UBE2H: variants seen among roughly 807,000 people sequenced by gnomAD.
UBE2H encodes the protein ubiquitin conjugating enzyme E2 H.
A neutral mutation model predicts 29.0 loss-of-function variants in UBE2H; 3 were observed. That is an observed-to-expected ratio of 0.10 (90% CI 0.05 to 0.27). The LOEUF (loss-of-function observed/expected upper bound fraction) is 0.27. Among genes scored for constraint, UBE2H ranks in the 10% least tolerant of loss-of-function variants. The pLI, the probability that UBE2H is intolerant of heterozygous loss-of-function variation, is 1.00. For missense variants in UBE2H, 68 were observed against 228.2 expected (o/e 0.30, Z 4.52); for synonymous variants, 69 against 82.9 (o/e 0.83, Z 0.91).
intron 1 of UBE2H, among the ~76,000 whole-genome samples, chr7:129,934,177 C>G (rs1235661258): frequency 6.6e-6 from 1 of 151,984 alleles, no homozygotes; most frequent in Non-Finnish European, 1.5e-5. Flanking sequence ...CAAAAATTAT[C>G]CGGGCATTAT....
chr7:129,881,631 G>T lies in UBE2H; in HGVS notation c.54-660C>A, dbSNP rs574398602. Reference sequence around the variant, plus strand: ...TCACTGCACTCCAGCCTGGGTGATAGGGTGAGACTCAGTCTCAAAAATAAA... The same window carrying T: ...TCACTGCACTCCAGCCTGGGTGATATGGTGAGACTCAGTCTCAAAAATAAA... On this transcript the variant is annotated intron_variant, in intron 1 of 6. Transcript: ENST00000355621. Among the ~76,000 whole-genome samples the T allele has an allele frequency of 2.0e-5, 3 of 152,188 alleles. No homozygotes were observed. In the South Asian group the frequency reaches 6.2e-4, roughly 32 times the overall value.
chr7:129,853,097 G>A (rs1805640656), intron 5 of UBE2H, among the ~76,000 whole-genome samples: 1 of 152,178 alleles, frequency 6.6e-6, no homozygotes, highest in African/African-American at 2.4e-5. Flanking sequence ...GCTGGAGAGA[G>A]AAACACATTT....
intron 1 of UBE2H, among the ~76,000 whole-genome samples, chr7:129,921,760 C>T (rs956820573): frequency 2.6e-5 from 4 of 151,002 alleles, no homozygotes; most frequent in Non-Finnish European, 5.9e-5. Context: ...ATTTTTCCCA[C>T]TAACATTGCA....
chr7:129,927,243 A>T (rs1347586719), intron 1 of UBE2H, among the ~76,000 whole-genome samples: 3 of 152,232 alleles, frequency 2.0e-5, no homozygotes, highest in Non-Finnish European at 4.4e-5. Flanking sequence ...TTAGAAATTT[A>T]AAAATGTGGG....
chr7:129,944,718 AC>A lies in UBE2H; in HGVS notation c.53+7784del, dbSNP rs1563054823. ...ACACACGTGCGCATGCGCTCAAAAC[AC>A]ACACACACACACACACACACACACA... On this transcript the variant is annotated intron_variant, in intron 1 of 6. Coordinates refer to ENST00000355621, the MANE Select transcript of UBE2H (RefSeq NM_003344.4). Among the ~76,000 whole-genome samples, 57 of 75,338 alleles carry A rather than the reference AC, an allele frequency of 7.6e-4. 1 individual carries two copies. The highest frequency in any genetic ancestry group is 2.8e-3 in the African/African-American group (54 of 19,434). The allele number at this position is 75,338 out of a possible 152,430, so 49.4% of individuals were successfully genotyped here.
chr7:129,870,011 G>A (rs961826130), intron 3 of UBE2H, among the ~76,000 whole-genome samples: 1 of 152,070 alleles, frequency 6.6e-6, no homozygotes, highest in East Asian at 1.9e-4. Flanking sequence ...CTCTCCTCTA[G>A]TTCTTTCACT....
intron 3 of UBE2H, among the ~76,000 whole-genome samples, chr7:129,860,908 A>G (rs897540835): frequency 6.6e-6 from 1 of 152,132 alleles, no homozygotes; most frequent in African/African-American, 2.4e-5. Context: ...AGGGAACAGA[A>G]GAGGAAACAG....
intron 1 of UBE2H, among the ~76,000 whole-genome samples, chr7:129,928,374 A>G (rs12537782): frequency 0.062 from 9,476 of 152,250 alleles, 365 homozygotes; most frequent in Non-Finnish European, 0.091. Flanking sequence ...AGGCCAAGGC[A>G]GGTGGATCAT....
intron 5 of UBE2H, among the ~76,000 whole-genome samples, chr7:129,844,086 T>G (rs1805472825): frequency 6.6e-6 from 1 of 152,216 alleles, no homozygotes; most frequent in African/African-American, 2.4e-5. Context: ...AACCCTTAAT[T>G]ATTGGTTCTT....
At chr7:129,944,740 A>ACACACACACG (rs967721389) in intron 1 of UBE2H, among the ~76,000 whole-genome samples, 3 of 142,576 alleles carry the variant, frequency 2.1e-5, no homozygotes, top group Admixed American at 7.1e-5. Flanking sequence ...ACACACACAC[A>ACACACACACG]CACACACACA....
chr7:129,903,170 A>T (rs1221988094), intron 1 of UBE2H, among the ~76,000 whole-genome samples: 1 of 152,208 alleles, frequency 6.6e-6, no homozygotes, highest in Non-Finnish European at 1.5e-5. Flanking sequence ...TTAAAGCACA[A>T]TCCACAAAGT....
chr7:129,924,616 T>TCACACACACACACA (rs147228151), intron 1 of UBE2H, among the ~76,000 whole-genome samples: 2,552 of 143,958 alleles, frequency 0.018, 44 homozygotes, highest in African/African-American at 0.022. Context: ...CCTTTTACAT[T>TCACACACACACACA]CACACACACA....
intron 1 of UBE2H, among the ~76,000 whole-genome samples, chr7:129,899,255 T>A (rs1444235547): frequency 6.6e-6 from 1 of 152,234 alleles, no homozygotes; most frequent in Non-Finnish European, 1.5e-5. Flanking sequence ...GAACTTCTAT[T>A]CAAAGGGCTG....
At chr7:129,877,341 C>T (rs1222359914) in intron 3 of UBE2H, among the ~76,000 whole-genome samples, 1 of 152,094 alleles carries the variant, frequency 6.6e-6, no homozygotes. Flanking sequence ...ATCTTACCTC[C>T]TCGCCCTTCT....
At chr7:129,903,947 T>C (rs1806767359) in intron 1 of UBE2H, among the ~76,000 whole-genome samples, 1 of 152,248 alleles carries the variant, frequency 6.6e-6, no homozygotes, top group South Asian at 2.1e-4. Flanking sequence ...TCGTTATTTT[T>C]TGAGTATTAA....
intron 5 of UBE2H, among the ~76,000 whole-genome samples, chr7:129,851,904 T>C (rs577025168): frequency 9.2e-5 from 14 of 152,348 alleles, no homozygotes; most frequent in African/African-American, 2.9e-4. Context: ...CTAAGCACTG[T>C]TGAAGCGCAA....
intron 1 of UBE2H, among the ~76,000 whole-genome samples, chr7:129,886,770 A>ATTTTTTTGGT (rs1237877491): frequency 0.064 from 7,168 of 112,156 alleles, 319 homozygotes; most frequent in Non-Finnish European, 0.093. Flanking sequence ...TTTTTGGTAA[A>ATTTTTTTGGT]AAAAAAAAAA....
chr7:129,896,095 C>T (rs2727481), intron 1 of UBE2H, among the ~76,000 whole-genome samples: 144,830 of 152,092 alleles, frequency 0.95, 69,249 homozygotes, highest in East Asian at 1. Context: ...CCCAGCACTT[C>T]GGGATTCAAG....
In UBE2H at chr7:129,920,200, C is replaced by T. The variant is rs547048544; in HGVS notation, c.53+32303G>A. On this transcript the variant is annotated intron_variant, in intron 1 of 6. Transcript: ENST00000355621. The stretch of plus-strand genomic sequence containing the variant: ...TAAATATTTTATAAAACTATAATTT[C>T]TATTACATGTAAATATTTATGCATA... Among the ~76,000 whole-genome samples the T allele has an allele frequency of 5.9e-5, 9 of 152,142 alleles. No homozygotes were observed. The South Asian group carries it at 1.2e-3, about 21-fold the overall frequency.
Sources: allele counts gnomAD v4.1 joint callset (sites outside exome capture counted in the v4.1 genomes callset), GRCh38; gene constraint gnomAD v4.1.1; transcripts MANE v1.5; gene names NCBI Gene and HGNC (gene_info 2026-07-23, HGNC 2026-07-21).